VCL: variants seen among roughly 807,000 people sequenced by gnomAD.
The protein encoded by VCL is epididymis luminal protein 114.
A neutral mutation model predicts 125.7 loss-of-function variants in VCL; 47 were observed. That is an observed-to-expected ratio of 0.37 (90% CI 0.30 to 0.48). The LOEUF (loss-of-function observed/expected upper bound fraction) is 0.48, where lower values mean the gene tolerates loss of function less well. Ranked by LOEUF, VCL falls within the 20% of genes least tolerant of loss-of-function variation. VCL has a pLI of 0.99. For synonymous variants in VCL, 458 were observed against 514.6 expected (o/e 0.89, Z 1.49); for missense variants, 1,069 against 1,455.5 (o/e 0.73, Z 4.32).
At chr10:74,086,840 T>C (rs1038436540) in intron 8 of VCL, among the ~76,000 whole-genome samples, 6 of 152,214 alleles carry the variant, frequency 3.9e-5, no homozygotes, top group Non-Finnish European at 8.8e-5. Flanking sequence ...GTTTAATATT[T>C]TAGTGGCTGA....
At chr10:74,036,613 G>A (rs745689401) in intron 1 of VCL, among the ~76,000 whole-genome samples, 2 of 151,750 alleles carry the variant, frequency 1.3e-5, no homozygotes, top group African/African-American at 2.4e-5. Context: ...GCATGCACCC[G>A]TATTCCCAGC....
At chr10:74,109,604 TG>T (rs1483323929) in intron 18 of VCL, among the ~76,000 whole-genome samples, 1 of 144,892 alleles carries the variant, frequency 6.9e-6, no homozygotes. Flanking sequence ...GCAAGTAGAT[TG>T]GTATCTTAGA....
At position 74,095,675 on chromosome 10, in the gene VCL, G is replaced by A. The variant is rs747932867; in HGVS notation, c.1563G>A (p.Gly521=). 6.2e-7 allele frequency: 1 copy of A among 1,614,068 alleles called. No homozygotes were observed. Among genetic ancestry groups the A allele is most frequent in the South Asian group, 1.1e-5 (1 of 91,072 alleles). Residue 521 remains glycine (G), a synonymous_variant, in exon 12 of 22, where the codon GGG becomes GGA. Coordinates refer to ENST00000211998, the MANE Select transcript of VCL (RefSeq NM_014000.3). ...DRGVGQAAIR[G]LVAEGHRLAN... is the part of the protein sequence containing the mutation. ...GTCCAGGTCAGGCTGCCATCCGGGG[G>A]CTTGTGGCCGAAGGGCATCGTCTGG...
At chr10:74,105,475 T>C (rs1326026569) in intron 16 of VCL, 122 bp downstream of exon 16, 1 of 1,203,358 alleles carries the variant, frequency 8.3e-7, no homozygotes, top group Non-Finnish European at 1.2e-6. Context: ...TATAGACACT[T>C]AGTTTGAGAA....
At chr10:74,117,535 G>A (rs1446297318) in intron 21 of VCL, among the ~76,000 whole-genome samples, 1 of 152,126 alleles carries the variant, frequency 6.6e-6, no homozygotes, top group Admixed American at 6.5e-5. Flanking sequence ...TGTACCTATT[G>A]TCCCAGCTGC....
intron 1 of VCL, among the ~76,000 whole-genome samples, chr10:74,015,844 C>G (rs1317753452): frequency 1.3e-5 from 2 of 152,006 alleles, no homozygotes; most frequent in Non-Finnish European, 2.9e-5. Context: ...ACCACCACAT[C>G]AGGCTAATTT....
intron 1 of VCL, among the ~76,000 whole-genome samples, chr10:74,029,258 C>T (rs1285623010): frequency 3.3e-5 from 5 of 151,892 alleles, no homozygotes; most frequent in Admixed American, 6.6e-5. Flanking sequence ...GGACTACAGG[C>T]GCCCACCATC....
intron 2 of VCL, among the ~76,000 whole-genome samples, chr10:74,069,506 A>G (rs1022021896): frequency 1.3e-5 from 2 of 152,188 alleles, no homozygotes; most frequent in African/African-American, 2.4e-5. Context: ...CTACTTGTTA[A>G]CAATGTAATA....
In VCL at chr10:74,071,065, A is replaced by C; in HGVS notation, c.481A>C (p.Thr161Pro). 6.2e-7 allele frequency: 1 copy of C among 1,614,148 alleles called. No individual in the cohort carries two copies. Among genetic ancestry groups the C allele is most frequent in the Non-Finnish European group, 8.5e-7 (1 of 1,179,992 alleles). ...GACTATGGAAGATTTGGTCACTTAC[A>C]CAAAGAATCTTGGGCCAGGTTAGTT... ...VETMEDLVTY[T>P]KNLGPGMTKM... Residue 161 changes from threonine to proline, a missense_variant, in exon 4 of 22, where the codon ACA (threonine) becomes CCA (proline). Thr to Pro is a conservative substitution (Grantham distance 38). Transcript: ENST00000211998. The surrounding 1 kb of genome is among the most constrained non-coding windows in gnomAD (Gnocchi z 4.1).
intron 1 of VCL, among the ~76,000 whole-genome samples, chr10:74,034,693 A>T (rs1840941371): frequency 6.6e-6 from 1 of 152,200 alleles, no homozygotes; most frequent in African/African-American, 2.4e-5. Context: ...TGGAAATCAG[A>T]GTAGATTAGA....
intron 1 of VCL, among the ~76,000 whole-genome samples, chr10:74,007,196 C>G (rs1467061798): frequency 6.6e-6 from 1 of 152,122 alleles, no homozygotes; most frequent in East Asian, 1.9e-4. Context: ...CCAGGCTGTT[C>G]TTGAACTCCT....
chr10:74,101,183 T>A (rs61865583), intron 14 of VCL, 86 bp downstream of exon 14: 16 of 1,528,334 alleles, frequency 1.0e-5, no homozygotes, highest in Non-Finnish European at 1.3e-5. Flanking sequence ...ATACTTACCG[T>A]AAGATGGCAT....
intron 1 of VCL, among the ~76,000 whole-genome samples, chr10:73,999,117 C>T (rs913454984): frequency 6.6e-6 from 1 of 152,220 alleles, no homozygotes; most frequent in African/African-American, 2.4e-5. Context: ...TCATTCCCTC[C>T]TGTGGACATT....
intron 2 of VCL, among the ~76,000 whole-genome samples, chr10:74,047,489 T>G (rs962075799): frequency 6.6e-6 from 1 of 152,186 alleles, no homozygotes; most frequent in African/African-American, 2.4e-5. Context: ...TTTGAGCTGC[T>G]TGGTTGATGT....
Position 74,083,467 on chromosome 10 carries a change from A to C in VCL, c.976A>C (p.Lys326Gln). The C allele has an allele frequency of 6.2e-7, 1 of 1,614,094 alleles. No homozygotes were observed. Among genetic ancestry groups the C allele is most frequent in the Non-Finnish European group, 8.5e-7 (1 of 1,179,974 alleles). ...ACGCAGGGAGATTCTGGGAACTTGC[A>C]AAATGCTAGGGCAGATGACTGATCA... ...KERREILGTC[K>Q]MLGQMTDQVA... Residue 326 changes from lysine (K) to glutamine (Q), a missense_variant, in exon 8 of 22, where the codon AAA (lysine) becomes CAA (glutamine). Lys to Gln is a moderately conservative substitution (Grantham distance 53). This residue lies in a region of VCL where 760 missense variants were observed against 928.9 expected (regional missense o/e 0.82). Coordinates refer to ENST00000211998, the MANE Select transcript of VCL (RefSeq NM_014000.3).
chr10:74,061,654 A>C (rs1841481265), intron 2 of VCL, among the ~76,000 whole-genome samples: 1 of 152,164 alleles, frequency 6.6e-6, no homozygotes, highest in Non-Finnish European at 1.5e-5. Flanking sequence ...TTAATTACAC[A>C]TATATTAGGT....
chr10:74,076,822 T>C (rs961625778), intron 6 of VCL: 2 of 152,788 alleles, frequency 1.3e-5, no homozygotes, highest in East Asian at 3.9e-4. Context: ...TTATTCTCTT[T>C]CTTTTGCTTC....
intron 9 of VCL, 137 bp downstream of exon 9, chr10:74,089,486 C>A: frequency 7.7e-7 from 1 of 1,294,776 alleles, no homozygotes; most frequent in Non-Finnish European, 1.1e-6. Context: ...TGACTTCCAG[C>A]ACTTACCAAT....
rs905997933 is a variant in VCL at position 74,090,786 on chromosome 10, CT to C, written c.1352+599del. On this transcript the variant is annotated intron_variant, in intron 10 of 21. Transcript: ENST00000211998. ...ATGATATGGAAAAGGGGTATTTCCT[CT>C]TTTTTTTTTTATTTTTTATTTTTAT... Among the ~76,000 whole-genome samples the C allele has an allele frequency of 8.3e-4, 122 of 146,572 alleles. No homozygotes were observed. The South Asian group carries it at 8.7e-3, about 10-fold the overall frequency.
Sources: gnomAD v4.1 joint callset for allele counts (sites outside exome capture counted in the v4.1 genomes callset) on GRCh38, gnomAD v4.1.1 for gene constraint, gnomAD v4.1.1 regional missense constraint, Gnocchi (gnomAD v3.1) non-coding constraint, MANE v1.5 for transcripts, NCBI Gene and HGNC (gene_info 2026-07-23, HGNC 2026-07-21) for gene names.